The following QRICH1 variants were observed in gnomAD, a reference collection of about 807,000 sequenced individuals.
QRICH1 encodes glutamine rich 1.
A neutral mutation model predicts 87.1 loss-of-function variants in QRICH1; 16 were observed. The ratio of observed to expected loss-of-function variants is 0.18; its 90% CI spans 0.12 to 0.28. QRICH1 has a LOEUF of 0.28. QRICH1 is among the 10% of genes least tolerant of loss of function. QRICH1 has a pLI of 1.00. For missense variants in QRICH1, 647 were observed against 951.7 expected, an observed-to-expected ratio of 0.68 and a Z score of 4.21; for synonymous variants, 367 against 368.4, an observed-to-expected ratio of 1.00 and a Z score of 0.05.
At chr3:49,066,597 T>C (rs2106940332) in intron 2 of QRICH1, among the ~76,000 whole-genome samples, 2 of 152,118 alleles carry the variant, frequency 1.3e-5, no homozygotes, top group Middle Eastern at 6.8e-3. Flanking sequence ...CCTGAGTAGC[T>C]GGGATTACTG....
chr3:49,054,807 C>T (rs906796856), intron 3 of QRICH1, among the ~76,000 whole-genome samples: 5 of 151,888 alleles, frequency 3.3e-5, no homozygotes, highest in African/African-American at 7.3e-5. Context: ...GAGGCTGAGG[C>T]GGGAGGATTT....
chr3:49,062,315 A>T (rs2093439842), intron 2 of QRICH1, among the ~76,000 whole-genome samples: 1 of 151,086 alleles, frequency 6.6e-6, no homozygotes, highest in Admixed American at 6.6e-5. Context: ...CCAGTCAAGG[A>T]CAGAGTGAGA....
chr3:49,092,440 T>C (rs2042294240), intron 1 of QRICH1: 1 of 152,096 alleles, frequency 6.6e-6, no homozygotes, highest in Non-Finnish European at 1.5e-5. Context: ...TCCTGAGTTC[T>C]TAAGACTTCT....
At chr3:49,076,601 T>C (rs2041956796) in intron 2 of QRICH1, 108 bp downstream of exon 2, 1 of 1,065,988 alleles carries the variant, frequency 9.4e-7, no homozygotes, top group Non-Finnish European at 1.3e-6. Flanking sequence ...AAAATCTTAG[T>C]GTTAAATAAC....
rs201387573 is a variant in QRICH1, at chr3:49,073,540, G to GA, written c.309+3168dup. 4.6e-3 allele frequency among the ~76,000 whole-genome samples: 582 copies of GA among 126,596 alleles called. 6 individuals carry two copies. The highest frequency in any genetic ancestry group is 0.012 in the African/African-American group (422 of 34,658). The allele number at this position is 126,596 out of a possible 152,430, so 83.1% of individuals were successfully genotyped here. A position where few individuals can be genotyped will look rare whatever the true frequency, so the allele number is the denominator to read the frequency against. On this transcript the variant is annotated intron_variant, in intron 2 of 9. Transcript: ENST00000395443. ...GGGTGACACAGTGGGACTCCATCTC[G>GA]AAAAAAAAAAAAAGGAAAACATTTT...
chr3:49,029,736 TAAAC>T lies in QRICH1; in HGVS notation c.*712_*715del. 3.0e-6 allele frequency: 1 copy of T among 337,128 alleles called. No homozygotes were observed. The highest frequency in any genetic ancestry group is 5.7e-6 in the Non-Finnish European group (1 of 175,742). The allele number at this position is 337,128 out of a possible 1,614,324, so 20.9% of individuals were successfully genotyped here. On this transcript the variant is annotated 3_prime_UTR_variant, in exon 10 of 10. Transcript: ENST00000395443. ...GAAAAGACGTGCTTGTCATTCTTAA[TAAAC>T]AACTAGAGTAAGAATACATAAGAGA...
intron 1 of QRICH1, among the ~76,000 whole-genome samples, chr3:49,091,588 T>C (rs982873218): frequency 6.6e-6 from 1 of 152,220 alleles, no homozygotes; most frequent in Non-Finnish European, 1.5e-5. Flanking sequence ...AGAGAGGATG[T>C]GGAACTGCAG....
chr3:49,046,515 C>A lies in QRICH1; in HGVS notation c.1581G>T (p.Gly527=). ...ISSAVAELNY[G]LCLMTREARN... ...GAGCTTCCCGTGTCATTAGACAGAG[C>A]CCATAATTCAACTCTGCCACAGCAG... Residue 527 remains glycine (G), a synonymous_variant, in exon 5 of 10, where the codon GGG becomes GGT. Transcript: ENST00000395443. 1 of 1,614,078 alleles carries A rather than the reference C, an allele frequency of 6.2e-7. No homozygotes were observed. The highest frequency in any genetic ancestry group is 8.5e-7 in the Non-Finnish European group (1 of 1,180,014).
At chr3:49,062,973 C>T (rs1332406110) in intron 2 of QRICH1, among the ~76,000 whole-genome samples, 1 of 151,440 alleles carries the variant, frequency 6.6e-6, no homozygotes, top group Non-Finnish European at 1.5e-5. Flanking sequence ...GCACTCCAGC[C>T]TGGGTGACAG....
chr3:49,055,051 GTTC>G (rs760056907), intron 3 of QRICH1, among the ~76,000 whole-genome samples: 6 of 152,142 alleles, frequency 3.9e-5, no homozygotes, highest in Non-Finnish European at 5.9e-5. Context: ...GAAATCCTGA[GTTC>G]TTACTTTTCA....
intron 2 of QRICH1, among the ~76,000 whole-genome samples, chr3:49,062,336 GA>G (rs1350130360): frequency 5.0e-4 from 45 of 89,960 alleles, no homozygotes; most frequent in African/African-American, 6.9e-4. Flanking sequence ...CTCCATCTCA[GA>G]AAAAAAAAAA....
chr3:49,045,694 G>T (rs1204680767), intron 5 of QRICH1, among the ~76,000 whole-genome samples: 1 of 151,450 alleles, frequency 6.6e-6, no homozygotes, highest in Non-Finnish European at 1.5e-5. Context: ...CAACCTCTGG[G>T]GCTCAAGCAA....
intron 6 of QRICH1, among the ~76,000 whole-genome samples, chr3:49,037,308 G>A (rs2093281729): frequency 6.6e-6 from 1 of 152,228 alleles, no homozygotes; most frequent in South Asian, 2.1e-4. Flanking sequence ...AGATACATGG[G>A]GAAAAAAGAA....
intron 2 of QRICH1, among the ~76,000 whole-genome samples, chr3:49,065,182 C>T (rs1399547000): frequency 6.7e-6 from 1 of 149,832 alleles, no homozygotes; most frequent in Non-Finnish European, 1.5e-5. Flanking sequence ...GTTGCCCAGG[C>T]TGGAGTACAG....
intron 2 of QRICH1, among the ~76,000 whole-genome samples, chr3:49,069,785 TTC>T (rs2093490333): frequency 6.6e-6 from 1 of 151,994 alleles, no homozygotes; most frequent in Non-Finnish European, 1.5e-5. Context: ...CAGCCTATGA[TTC>T]TTACTCAAAA....
chr3:49,038,715 C>A (rs2093291226), intron 6 of QRICH1, among the ~76,000 whole-genome samples: 1 of 152,176 alleles, frequency 6.6e-6, no homozygotes, highest in Non-Finnish European at 1.5e-5. Context: ...CTGTGCCCAG[C>A]CATTTTTTTA....
At position 49,057,865 on chromosome 3, in the gene QRICH1, G is replaced by C; in HGVS notation, c.335C>G (p.Pro112Arg). ...VQVQVQVQQS[P>R]QQVSAQLSPQ... ...GGAGAGCTGAGCCGAGACCTGTTGC[G>C]GAGACTGCTGTACCTGCACCTGGAC... Residue 112 changes from proline to arginine, a missense_variant, in exon 3 of 10, where the codon CCG (proline) becomes CGG (arginine). Around this residue, in one of 7 missense-constraint regions of QRICH1, gnomAD observed 156 missense variants for 164.5 expected, o/e 0.95. Transcript: ENST00000395443. This position sits in a 1 kb window ranked among gnomAD's most constrained non-coding sequence, Gnocchi z 5.4. The C allele has an allele frequency of 6.2e-7, 1 of 1,614,030 alleles. No individual in the cohort carries two copies. The highest frequency in any genetic ancestry group is 8.5e-7 in the Non-Finnish European group (1 of 1,180,018).
At chr3:49,053,801 A>C (rs1208996511) in intron 3 of QRICH1, among the ~76,000 whole-genome samples, 4 of 152,212 alleles carry the variant, frequency 2.6e-5, no homozygotes, top group Non-Finnish European at 5.9e-5. Context: ...CTTTCATAAA[A>C]GGTATGGCCC....
rs1019786820 is a variant in QRICH1, at chr3:49,048,477, TA to T, written c.1339-1232del. Among the ~76,000 whole-genome samples the T allele has an allele frequency of 4.8e-3, 639 of 132,504 alleles. 6 individuals are homozygous for T. The highest frequency in any genetic ancestry group is 0.015 in the African/African-American group (526 of 35,390). 86.9% of individuals were successfully genotyped at this position (132,504 alleles called of 152,430 possible). On this transcript the variant is annotated intron_variant, in intron 3 of 9. Coordinates refer to ENST00000395443, the MANE Select transcript of QRICH1 (RefSeq NM_198880.3). ...CACCTTGAAATCATCTGGATTGCTT[TA>T]AAAAAAAAAAAAAAAAAAAACCCAC...
Sources: gnomAD v4.1 joint callset for allele counts (sites outside exome capture counted in the v4.1 genomes callset) on GRCh38, gnomAD v4.1.1 for gene constraint, gnomAD v4.1.1 regional missense constraint, Gnocchi (gnomAD v3.1) non-coding constraint, MANE v1.5 for transcripts, NCBI Gene and HGNC (gene_info 2026-07-23, HGNC 2026-07-21) for gene names.